The following UHRF1 variants were observed in gnomAD, a reference collection of about 807,000 sequenced individuals.
UHRF1 encodes the protein E3 ubiquitin-protein ligase UHRF1.
In UHRF1, 9 loss-of-function variants were observed where a neutral mutation model predicts 96.5. The ratio of observed to expected loss-of-function variants is 0.09; its 90% CI spans 0.06 to 0.16. The LOEUF is 0.16. Ranked by LOEUF, UHRF1 falls within the 10% of genes least tolerant of loss-of-function variation. The pLI is 1.00. For missense variants in UHRF1, 626 were observed against 1,131.1 expected (o/e 0.55, Z 6.40); for synonymous variants, 455 against 469.9 (o/e 0.97, Z 0.41).
chr19:4,948,098 T>A (rs149201865), intron 11 of UHRF1, among the ~76,000 whole-genome samples: 1,495 of 99,646 alleles, frequency 0.015, 11 homozygotes, highest in Non-Finnish European at 0.024. Flanking sequence ...ACTGAGATCT[T>A]GTCAAAAAAA....
chr19:4,951,578 C>T (rs554973585), intron 13 of UHRF1, among the ~76,000 whole-genome samples: 139 of 152,102 alleles, frequency 9.1e-4, no homozygotes, highest in South Asian at 7.5e-3. Context: ...TTTGCTTCTC[C>T]GCCTGCCGCA....
chr19:4,927,403 AT>A (rs1555747779), intron 2 of UHRF1, among the ~76,000 whole-genome samples: 2,220 of 135,962 alleles, frequency 0.016, 61 homozygotes, highest in African/African-American at 0.058. Flanking sequence ...AAAAAAAAAA[AT>A]TTTTTTCTGG....
chr19:4,957,891 G>T (rs778260925), intron 16 of UHRF1, among the ~76,000 whole-genome samples: 1 of 152,192 alleles, frequency 6.6e-6, no homozygotes, highest in Non-Finnish European at 1.5e-5. Flanking sequence ...GCAACCTCTG[G>T]CCAGAGCCGG....
intron 2 of UHRF1, among the ~76,000 whole-genome samples, chr19:4,919,653 G>T (rs1283942335): frequency 6.6e-6 from 1 of 151,954 alleles, no homozygotes; most frequent in South Asian, 2.1e-4. Context: ...CGGCAAGTGG[G>T]TTTTAGATTA....
chr19:4,913,355 G>A (rs1250550986), intron 2 of UHRF1, among the ~76,000 whole-genome samples: 1 of 146,126 alleles, frequency 6.8e-6, no homozygotes, highest in Non-Finnish European at 1.5e-5. Flanking sequence ...CCAAGTTCAA[G>A]CGATCCTCCT....
chr19:4,944,893 C>T (rs370194120), intron 9 of UHRF1, among the ~76,000 whole-genome samples: 6 of 152,208 alleles, frequency 3.9e-5, no homozygotes, highest in African/African-American at 1.2e-4. Context: ...GGGGCGGGGC[C>T]ATCCTGGGCA....
In UHRF1 at chr19:4,961,337, G is replaced by T. The variant is rs1234465285; in HGVS notation, c.*534G>T. On this transcript the variant is annotated 3_prime_UTR_variant, in exon 17 of 17. Coordinates refer to ENST00000650932, the MANE Select transcript of UHRF1 (RefSeq NM_001048201.3). ...CAGCTGTCTGTTGAAGTTGTTGCAA[G>T]GAAAAGAGGAAACATCTCGGGCCTA... is the stretch of plus-strand genomic sequence containing the variant. 7.8e-6 allele frequency: 1 copy of T among 128,172 alleles called. No homozygotes were observed. Among genetic ancestry groups the T allele is most frequent in the Non-Finnish European group, 1.6e-5 (1 of 61,422 alleles). 7.9% of individuals were successfully genotyped at this position (128,172 alleles called of 1,614,324 possible).
chr19:4,938,430 T>G (rs2033279493), intron 5 of UHRF1, among the ~76,000 whole-genome samples: 4 of 152,130 alleles, frequency 2.6e-5, no homozygotes, highest in Admixed American at 2.6e-4. Flanking sequence ...TGTTTTCTTT[T>G]TATTTTTGTC....
chr19:4,934,772 G>A (rs1225919915), intron 5 of UHRF1, among the ~76,000 whole-genome samples: 1 of 152,116 alleles, frequency 6.6e-6, no homozygotes, highest in Non-Finnish European at 1.5e-5. Context: ...TCTGTGGCCC[G>A]GTAGGGAGGT....
chr19:4,927,593 C>T (rs960471098), intron 2 of UHRF1, among the ~76,000 whole-genome samples: 4 of 152,024 alleles, frequency 2.6e-5, no homozygotes, highest in African/African-American at 7.2e-5. Flanking sequence ...GTATGTCTCT[C>T]TCCTCCCTTT....
chr19:4,924,697 GCCCCCACTGTCAGCCT>G (rs1304374528), intron 2 of UHRF1, among the ~76,000 whole-genome samples: 2 of 151,972 alleles, frequency 1.3e-5, no homozygotes, highest in African/African-American at 4.8e-5. Context: ...AGGCATAGCC[GCCCCCACTGTCAGCCT>G]CCCCCACAGA....
Position 4,956,792 on chromosome 19 carries a change from G to A in UHRF1, c.2214G>A (p.Val738=). 6.2e-7 allele frequency: 1 copy of A among 1,609,390 alleles called. No individual in the cohort carries two copies. The highest frequency in any genetic ancestry group is 8.5e-7 in the Non-Finnish European group (1 of 1,177,856). The change falls in exon 16 of 17, where the codon GTG becomes GTA. Residue 738 remains valine, a synonymous_variant. Coordinates refer to ENST00000650932, the MANE Select transcript of UHRF1 (RefSeq NM_001048201.3). ...QELVFRPITT[V]CQHNVCKDCL... is the part of the protein sequence containing the mutation. ...TGGTGTTCCGGCCCATCACGACCGT[G>A]TGCCAGCACAACGTGTGCAAGGTGA...
intron 2 of UHRF1, among the ~76,000 whole-genome samples, chr19:4,918,018 T>C (rs1318862250): frequency 6.6e-6 from 1 of 152,136 alleles, no homozygotes; most frequent in African/African-American, 2.4e-5. Context: ...GCAAGGAGAA[T>C]ATCTTCCACT....
intron 5 of UHRF1, among the ~76,000 whole-genome samples, chr19:4,938,748 T>TTTG (rs1599275986): frequency 5.3e-5 from 7 of 132,150 alleles, no homozygotes; most frequent in African/African-American, 1.7e-4. Flanking sequence ...TTTTTTTTTT[T>TTTG]TTTTTTTTTT....
intron 2 of UHRF1, among the ~76,000 whole-genome samples, chr19:4,927,881 T>C (rs1193410017): frequency 6.6e-6 from 1 of 152,236 alleles, no homozygotes; most frequent in African/African-American, 2.4e-5. Context: ...AGTCCAATCC[T>C]GCTCGCACCA....
Position 4,954,289 on chromosome 19 carries a change from G to A in UHRF1, c.1819-61G>A, listed in dbSNP as rs1048352678. The A allele has an allele frequency of 3.5e-5, 56 of 1,580,642 alleles. No homozygotes were observed. Among genetic ancestry groups the A allele is most frequent in the South Asian group, 2.9e-4 (25 of 87,492 alleles). ...GACCTGGCAAGGAGGCTGGAAGAGC[G>A]GGCTCTGCATAGCGTGTGGGCCCCA... is the stretch of plus-strand genomic sequence containing the variant. On this transcript the variant is annotated intron_variant, in intron 13 of 16. Coordinates refer to ENST00000650932, the MANE Select transcript of UHRF1 (RefSeq NM_001048201.3). The surrounding 1 kb of genome is among the most constrained non-coding windows in gnomAD (Gnocchi z 5.9).
chr19:4,957,331 C>CA (rs1372012765), intron 16 of UHRF1, among the ~76,000 whole-genome samples: 1 of 106,650 alleles, frequency 9.4e-6, no homozygotes. Flanking sequence ...TTTTCTGAGA[C>CA]AGAGTCTCGC....
chr19:4,942,431 C>T (rs2033435017), intron 7 of UHRF1, among the ~76,000 whole-genome samples: 1 of 151,900 alleles, frequency 6.6e-6, no homozygotes, highest in African/African-American at 2.4e-5. Flanking sequence ...ACCTCGTGAT[C>T]CGTCCGTTTC....
chr19:4,908,230 G>A (rs935486802), upstream of UHRF1, among the ~76,000 whole-genome samples: 1 of 152,148 alleles, frequency 6.6e-6, no homozygotes, highest in Non-Finnish European at 1.5e-5. Context: ...GATCCTGGGG[G>A]CGAGGACGTG....
Sources: allele counts gnomAD v4.1 joint callset (sites outside exome capture counted in the v4.1 genomes callset), GRCh38; gene constraint gnomAD v4.1.1; non-coding constraint Gnocchi (gnomAD v3.1); transcripts MANE v1.5; gene names NCBI Gene and HGNC (gene_info 2026-07-23, HGNC 2026-07-21).